The following COPG2 variants were observed in gnomAD, a reference collection of about 807,000 sequenced individuals.
COPG2 encodes the protein coatomer subunit gamma-2.
Under a neutral mutation model 46.3 loss-of-function variants are expected in COPG2, and 37 were observed. That is an observed-to-expected ratio of 0.80 (90% confidence interval 0.61 to 1.05). The LOEUF (loss-of-function observed/expected upper bound fraction) is 1.05. Ranked by LOEUF, COPG2 falls within the 50% of genes least tolerant of loss-of-function variation. COPG2 has a pLI of 0.00. For synonymous variants in COPG2, 159 were observed against 129.7 expected (o/e 1.23, Z -1.53); for missense variants, 427 against 387.8 (o/e 1.10, Z -0.85).
intron 20 of COPG2, among the ~76,000 whole-genome samples, chr7:130,514,403 G>T (rs921541520): frequency 6.6e-6 from 1 of 152,190 alleles, no homozygotes; most frequent in Non-Finnish European, 1.5e-5. Context: ...AATTAAGGGA[G>T]GGCAAATCAC....
intron 9 of COPG2, among the ~76,000 whole-genome samples, chr7:130,565,263 A>T (rs1283773375): frequency 2.0e-5 from 3 of 152,212 alleles, no homozygotes; most frequent in Non-Finnish European, 2.9e-5. Context: ...CATACACAGC[A>T]CCCGTTGGAA....
chr7:130,644,293 C>T (rs1795550003), intron 5 of COPG2, among the ~76,000 whole-genome samples: 1 of 152,006 alleles, frequency 6.6e-6, no homozygotes, highest in Non-Finnish European at 1.5e-5. Flanking sequence ...GACTAGTATC[C>T]CTTTTGCATC....
intron 9 of COPG2, among the ~76,000 whole-genome samples, chr7:130,601,948 A>G (rs1164142590): frequency 2.0e-5 from 3 of 152,226 alleles, no homozygotes; most frequent in Non-Finnish European, 4.4e-5. Flanking sequence ...CATCTGGCCA[A>G]CAGCCAGGGA....
At chr7:130,571,845 C>CTA (rs797032340) in intron 9 of COPG2, among the ~76,000 whole-genome samples, 7,117 of 149,052 alleles carry the variant, frequency 0.048, 201 homozygotes, top group Non-Finnish European at 0.058. Flanking sequence ...CTCTCTCTCT[C>CTA]TATATATATA....
chr7:130,619,998 C>T (rs1250463419), intron 5 of COPG2, among the ~76,000 whole-genome samples: 1 of 152,126 alleles, frequency 6.6e-6, no homozygotes, highest in East Asian at 1.9e-4. Context: ...TACAAGTTAA[C>T]CAAGATGCAT....
At chr7:130,542,548 C>A (rs997658872) in intron 20 of COPG2, among the ~76,000 whole-genome samples, 118,364 of 151,812 alleles carry the variant, frequency 0.78, 46,562 homozygotes, top group Non-Finnish European at 0.85. Flanking sequence ...GAGTTCAGGA[C>A]AGATTCCTGA....
chr7:130,581,392 A>T (rs1794139422), intron 9 of COPG2, among the ~76,000 whole-genome samples: 1 of 130,608 alleles, frequency 7.7e-6, no homozygotes, highest in South Asian at 2.8e-4. Flanking sequence ...CCAATATCAT[A>T]CTGAATGGGC....
chr7:130,546,257 T>C (rs1397518196), intron 20 of COPG2, among the ~76,000 whole-genome samples: 7 of 152,138 alleles, frequency 4.6e-5, no homozygotes, highest in Non-Finnish European at 8.8e-5. Context: ...TACATTAAGA[T>C]TGGGCCCAAA....
chr7:130,641,175 C>CAAAAAAAAAAAAAAAAAAAAAA, intron 5 of COPG2, among the ~76,000 whole-genome samples: 1 of 87,952 alleles, frequency 1.1e-5, no homozygotes. Context: ...CCCTACCTCT[C>CAAAAAAAAAAAAAAAAAAAAAA]AAAAAAAAAA....
intron 20 of COPG2, among the ~76,000 whole-genome samples, chr7:130,540,270 C>G (rs2116369774): frequency 6.6e-6 from 1 of 152,146 alleles, no homozygotes; most frequent in South Asian, 2.1e-4. Flanking sequence ...TCTAAATCCA[C>G]CGAAAGAAGT....
chr7:130,578,769 G>T (rs534496747), intron 9 of COPG2, among the ~76,000 whole-genome samples: 1 of 152,050 alleles, frequency 6.6e-6, no homozygotes, highest in African/African-American at 2.4e-5. Flanking sequence ...TTAAATGAAT[G>T]AAATGAAGCG....
At chr7:130,654,246 C>T (rs1357960750) in intron 4 of COPG2, among the ~76,000 whole-genome samples, 1 of 151,960 alleles carries the variant, frequency 6.6e-6, no homozygotes, top group African/African-American at 2.4e-5. Flanking sequence ...AAAATCAGAA[C>T]AAAAATTTTA....
chr7:130,558,693 G>A (rs1297896223), intron 12 of COPG2, among the ~76,000 whole-genome samples: 2 of 152,030 alleles, frequency 1.3e-5, no homozygotes, highest in Non-Finnish European at 2.9e-5. Context: ...ACTAATTTTT[G>A]TATTTTTTTG....
intron 5 of COPG2, among the ~76,000 whole-genome samples, chr7:130,625,994 A>T: frequency 6.6e-6 from 1 of 152,186 alleles, no homozygotes; most frequent in East Asian, 1.9e-4. Flanking sequence ...ACACATAATA[A>T]TTGTATATAC....
chr7:130,610,251 G>T (rs969428318), intron 9 of COPG2, among the ~76,000 whole-genome samples: 1 of 152,212 alleles, frequency 6.6e-6, no homozygotes, highest in Non-Finnish European at 1.5e-5. Flanking sequence ...TCAGGACTTT[G>T]CTGCAGCTTT....
At chr7:130,585,541 A>G (rs1554447863) in intron 9 of COPG2, among the ~76,000 whole-genome samples, 2 of 152,092 alleles carry the variant, frequency 1.3e-5, no homozygotes, top group African/African-American at 2.4e-5. Context: ...AACCCCGCAG[A>G]GTGGGAGAAA....
chr7:130,542,381 A>G (rs1793347126), intron 20 of COPG2, among the ~76,000 whole-genome samples: 1 of 152,076 alleles, frequency 6.6e-6, no homozygotes, highest in Non-Finnish European at 1.5e-5. Flanking sequence ...GCCAGAGGAC[A>G]CAACAGAGAG....
At chr7:130,651,540 C>T (rs1385217347) in intron 5 of COPG2, among the ~76,000 whole-genome samples, 6 of 111,984 alleles carry the variant, frequency 5.4e-5, no homozygotes, top group East Asian at 5.7e-4. Flanking sequence ...GACGGAGTCT[C>T]GCTCTGTCCC....
intron 9 of COPG2, among the ~76,000 whole-genome samples, chr7:130,601,692 G>A (rs147685587): frequency 1.7e-3 from 254 of 152,182 alleles, no homozygotes; most frequent in Middle Eastern, 6.8e-3. Flanking sequence ...GAGGGATAGC[G>A]TTAGGAGAAA....
Sources: gnomAD v4.1 joint callset for allele counts (sites outside exome capture counted in the v4.1 genomes callset) on GRCh38, gnomAD v4.1.1 for gene constraint, MANE v1.5 for transcripts, NCBI Gene and HGNC (gene_info 2026-07-23, HGNC 2026-07-21) for gene names.